ITPR2: variants seen among roughly 807,000 people sequenced by gnomAD.
The protein encoded by ITPR2 is inositol 1,4,5-trisphosphate receptor type 2, also known as inositol 1,4,5-trisphosphate-gated calcium channel ITPR2.
ITPR2 carries 207 observed loss-of-function variants against 317.1 expected under a neutral mutation model. That is an observed-to-expected ratio of 0.65 (90% confidence interval 0.58 to 0.73). The LOEUF (loss-of-function observed/expected upper bound fraction) is 0.73, where lower values mean the gene tolerates loss of function less well. Among genes scored for constraint, ITPR2 ranks in the 30% least tolerant of loss-of-function variants. ITPR2 has a pLI of 0.00. For synonymous variants in ITPR2, 1,156 were observed against 1,149.1 expected (o/e 1.01, Z -0.12); for missense variants, 2,613 against 3,284.0 (o/e 0.80, Z 4.99).
intron 47 of ITPR2, 118 bp from the exon 48 acceptor site, chr12:26,436,464 C>A: frequency 1.2e-6 from 1 of 836,966 alleles, no homozygotes; most frequent in South Asian, 1.8e-5. Context: ...ATTATAAAAA[C>A]CTATTTAAAT....
At chr12:26,368,904 G>A (rs1393027487) in intron 55 of ITPR2, among the ~76,000 whole-genome samples, 1 of 152,108 alleles carries the variant, frequency 6.6e-6, no homozygotes, top group African/African-American at 2.4e-5. Flanking sequence ...TAGCTGTTTT[G>A]GGGAAATGAA....
chr12:26,682,098 C>T, intron 12 of ITPR2, 64 bp from the exon 13 acceptor site: 1 of 1,303,004 alleles, frequency 7.7e-7, no homozygotes, highest in Non-Finnish European at 1.1e-6. Context: ...TGAAGACTAA[C>T]ACATCTAGTA....
chr12:26,822,739 G>A (rs1329874244), intron 1 of ITPR2, among the ~76,000 whole-genome samples: 1 of 152,188 alleles, frequency 6.6e-6, no homozygotes, highest in African/African-American at 2.4e-5. Context: ...GGGCTTTATA[G>A]TACTAGCCTC....
intron 41 of ITPR2, among the ~76,000 whole-genome samples, chr12:26,484,258 G>T (rs1942612174): frequency 6.6e-6 from 1 of 150,626 alleles, no homozygotes; most frequent in South Asian, 2.1e-4. Flanking sequence ...AGAGTAATGG[G>T]AAGTCGGAAA....
chr12:26,424,587 T>G (rs1381311003), intron 49 of ITPR2, among the ~76,000 whole-genome samples: 1 of 16,518 alleles, frequency 6.1e-5, no homozygotes, highest in Non-Finnish European at 1.5e-4. Flanking sequence ...TCGTTTTGTG[T>G]TTTTTTTTTT....
intron 37 of ITPR2, among the ~76,000 whole-genome samples, chr12:26,516,260 A>AGGAAGGGAAGGGAAG (rs1565574450): frequency 2.4e-4 from 13 of 54,288 alleles, no homozygotes; most frequent in African/African-American, 3.4e-4. Context: ...AGGAAAGGAA[A>AGGAAGGGAAGGGAAG]GGAAAGGAAA....
At chr12:26,494,476 A>C in intron 38 of ITPR2, 136 bp from the exon 39 acceptor site, 1 of 584,842 alleles carries the variant, frequency 1.7e-6, no homozygotes. Flanking sequence ...GTTAAATATA[A>C]TAGAAGCTTG....
At chr12:26,800,663 G>C (rs1018448615) in intron 1 of ITPR2, among the ~76,000 whole-genome samples, 1 of 152,164 alleles carries the variant, frequency 6.6e-6, no homozygotes, top group Non-Finnish European at 1.5e-5. Flanking sequence ...TATTGAATAA[G>C]TAAGTGGACT....
At position 26,631,949 on chromosome 12, in the gene ITPR2, G is replaced by A. The variant is rs377714724; in HGVS notation, c.2851C>T (p.His951Tyr). ...MSVPDVPPSI[H>Y]PSKQGSPTEH... ...GTGGGGCTCCCTTGCTTGCTCGGGTGGATGCTGGGTGGCACATCCGGCACG... is the reference window on the plus strand; with the variant it reads ...GTGGGGCTCCCTTGCTTGCTCGGGTAGATGCTGGGTGGCACATCCGGCACG... The change falls in exon 22 of 57, where the codon CAC (histidine) becomes TAC (tyrosine). Residue 951 changes from histidine to tyrosine, a missense_variant. His to Tyr is a moderately conservative substitution (Grantham distance 83, BLOSUM62 2). Transcript: ENST00000381340. 1 of 1,613,882 alleles carries A rather than the reference G, an allele frequency of 6.2e-7. No individual in the cohort carries two copies. The highest frequency in any genetic ancestry group is 8.5e-7 in the Non-Finnish European group (1 of 1,179,904).
At chr12:26,404,729 T>C (rs771619158) in intron 52 of ITPR2, among the ~76,000 whole-genome samples, 12 of 152,028 alleles carry the variant, frequency 7.9e-5, no homozygotes, top group Non-Finnish European at 1.6e-4. Context: ...AAGATGTGTG[T>C]AGGAAGAAAG....
intron 5 of ITPR2, chr12:26,721,253 A>C (rs1475610223): frequency 1.2e-5 from 6 of 514,934 alleles, no homozygotes; most frequent in Non-Finnish European, 1.8e-5. Flanking sequence ...AGTGCATCAC[A>C]TTCCTGCATG....
chr12:26,503,111 C>T (rs1459161428), intron 37 of ITPR2, among the ~76,000 whole-genome samples: 4 of 151,374 alleles, frequency 2.6e-5, no homozygotes, highest in Non-Finnish European at 5.9e-5. Context: ...GTGGCTGGTT[C>T]ACAGGGCAGT....
intron 26 of ITPR2, among the ~76,000 whole-genome samples, chr12:26,611,385 A>G (rs1172337198): frequency 6.6e-6 from 1 of 152,236 alleles, no homozygotes; most frequent in African/African-American, 2.4e-5. Context: ...ATATGAATCT[A>G]GAATAGATGG....
chr12:26,791,419 C>A (rs1395908848), intron 1 of ITPR2, among the ~76,000 whole-genome samples: 2 of 151,832 alleles, frequency 1.3e-5, no homozygotes, highest in African/African-American at 2.4e-5. Context: ...GACTCACTAG[C>A]ATGCATCAAC....
intron 52 of ITPR2, chr12:26,406,334 G>A (rs940554916): frequency 3.4e-5 from 5 of 147,692 alleles, no homozygotes; most frequent in African/African-American, 1.2e-4. Context: ...AATTGTAATT[G>A]TATTTTGTAA....
chr12:26,624,637 C>A (rs1946579202), intron 23 of ITPR2, among the ~76,000 whole-genome samples: 1 of 152,102 alleles, frequency 6.6e-6, no homozygotes, highest in African/African-American at 2.4e-5. Context: ...TATCATCTCA[C>A]CCCAGTTAAA....
intron 2 of ITPR2, 146 bp downstream of exon 2, chr12:26,790,011 G>A: frequency 1.5e-6 from 1 of 669,234 alleles, no homozygotes; most frequent in Non-Finnish European, 2.6e-6. Context: ...GAAAAACAAT[G>A]GAAAAATTGT....
chr12:26,772,488 A>T (rs1489765557), intron 2 of ITPR2, among the ~76,000 whole-genome samples: 51 of 65,560 alleles, frequency 7.8e-4, no homozygotes, highest in East Asian at 4.5e-3. Flanking sequence ...AATATATATA[A>T]TACATATAAT....
intron 21 of ITPR2, among the ~76,000 whole-genome samples, 160 bp downstream of exon 21, chr12:26,653,816 T>A (rs1947312877): frequency 6.6e-6 from 1 of 152,226 alleles, no homozygotes; most frequent in South Asian, 2.1e-4. Context: ...TGCATGTTTG[T>A]AAATCCACCT....
Sources: gnomAD v4.1 joint callset for allele counts (sites outside exome capture counted in the v4.1 genomes callset) on GRCh38, gnomAD v4.1.1 for gene constraint, MANE v1.5 for transcripts, NCBI Gene and HGNC (gene_info 2026-07-23, HGNC 2026-07-21) for gene names.